Variants in PRR11 observed in about 807,000 individuals in gnomAD.
PRR11 encodes the protein proline rich 11, also known as proline-rich protein 11.
In PRR11, 30 loss-of-function variants were observed where a neutral mutation model predicts 45.6. That is an observed-to-expected ratio of 0.66 (90% confidence interval 0.49 to 0.89). The LOEUF is 0.89. Among genes scored for constraint, PRR11 ranks in the 40% least tolerant of loss-of-function variants. The pLI is 0.00. For missense variants in PRR11, 373 were observed against 424.8 expected (o/e 0.88, Z 1.07); for synonymous variants, 128 against 153.5 (o/e 0.83, Z 1.23).
chr17:59,182,356 TC>T (rs1265911061), intron 2 of PRR11, among the ~76,000 whole-genome samples: 1 of 143,398 alleles, frequency 7.0e-6, no homozygotes, highest in East Asian at 2.2e-4. Flanking sequence ...CCATACACCC[TC>T]CTCAGGTTCT....
At chr17:59,158,288 G>C (rs1423015689) in intron 1 of PRR11, among the ~76,000 whole-genome samples, 1 of 152,124 alleles carries the variant, frequency 6.6e-6, no homozygotes, top group African/African-American at 2.4e-5. Flanking sequence ...TGAATTAAAG[G>C]GTACTAAAGA....
intron 2 of PRR11, among the ~76,000 whole-genome samples, chr17:59,178,231 G>A (rs1054542343): frequency 6.6e-6 from 1 of 152,204 alleles, no homozygotes; most frequent in Non-Finnish European, 1.5e-5. Flanking sequence ...CTGCTTGGGA[G>A]GCTGAGGCAG....
chr17:59,176,684 C>CTTTTTTTTTTTTTTTTT (rs71367676), intron 2 of PRR11, among the ~76,000 whole-genome samples: 1 of 39,002 alleles, frequency 2.6e-5, no homozygotes, highest in African/African-American at 1.2e-4. Flanking sequence ...GTTTTTTTGG[C>CTTTTTTTTTTTTTTTTT]TTTTTTTTTT....
chr17:59,196,933 T>G (rs1426767015), intron 7 of PRR11, among the ~76,000 whole-genome samples: 2 of 152,014 alleles, frequency 1.3e-5, no homozygotes. Context: ...CACTACAACC[T>G]CCGCCTCCCA....
At chr17:59,173,698 TTGAAGTCGG>T (rs1308536054) in intron 2 of PRR11, among the ~76,000 whole-genome samples, 1 of 152,196 alleles carries the variant, frequency 6.6e-6, no homozygotes, top group African/African-American at 2.4e-5. Flanking sequence ...AGCTTCATTT[TTGAAGTCGG>T]TGAAACCAAG....
At chr17:59,198,187 G>A (rs774842291) in intron 9 of PRR11, among the ~76,000 whole-genome samples, 9 of 152,170 alleles carry the variant, frequency 5.9e-5, no homozygotes, top group Non-Finnish European at 8.8e-5. Context: ...TTTTTAAATG[G>A]TACCGTATTT....
At chr17:59,174,862 A>T (rs2046734316) in intron 2 of PRR11, 1 of 1,237,164 alleles carries the variant, frequency 8.1e-7, no homozygotes, top group African/African-American at 1.5e-5. Flanking sequence ...CCCCTTAAGA[A>T]GATGGGGACT....
At chr17:59,190,077 T>G (rs1312195048) in intron 4 of PRR11, among the ~76,000 whole-genome samples, 1 of 152,204 alleles carries the variant, frequency 6.6e-6, no homozygotes. Context: ...TCACCTCTAG[T>G]GTACACACTC....
intron 4 of PRR11, among the ~76,000 whole-genome samples, chr17:59,188,665 G>A (rs1451726675): frequency 3.9e-5 from 6 of 152,012 alleles, no homozygotes; most frequent in African/African-American, 7.2e-5. Flanking sequence ...ATGGCCAGGC[G>A]TGGTGGCTCA....
At chr17:59,182,853 G>A (rs1472218797) in intron 2 of PRR11, among the ~76,000 whole-genome samples, 1 of 152,144 alleles carries the variant, frequency 6.6e-6, no homozygotes, top group African/African-American at 2.4e-5. Context: ...TTGATGGCTG[G>A]TCATGATCTT....
chr17:59,189,685 A>T (rs1317465651), intron 4 of PRR11, among the ~76,000 whole-genome samples: 3 of 152,178 alleles, frequency 2.0e-5, no homozygotes, highest in Non-Finnish European at 4.4e-5. Context: ...TAGCAAAAAA[A>T]TTAAATTAAA....
intron 9 of PRR11, among the ~76,000 whole-genome samples, chr17:59,200,691 A>G (rs1375125975): frequency 1.3e-5 from 2 of 151,898 alleles, no homozygotes; most frequent in African/African-American, 4.8e-5. Flanking sequence ...ACAGGGTTTC[A>G]CCGTGTTAGC....
At chr17:59,190,517 T>G (rs2046836042) in intron 4 of PRR11, among the ~76,000 whole-genome samples, 1 of 151,764 alleles carries the variant, frequency 6.6e-6, no homozygotes, top group Non-Finnish European at 1.5e-5. Flanking sequence ...GAATGAAGCT[T>G]ATGTTATTTC....
At chr17:59,167,363 T>C (rs2046685116) in intron 1 of PRR11, among the ~76,000 whole-genome samples, 1 of 152,186 alleles carries the variant, frequency 6.6e-6, no homozygotes, top group Non-Finnish European at 1.5e-5. Context: ...TATTGTTAAC[T>C]ATAGTCATCC....
chr17:59,177,034 T>C lies in PRR11; in HGVS notation c.128+7154T>C, dbSNP rs541729326. On this transcript the variant is annotated intron_variant, in intron 2 of 9. Transcript: ENST00000262293. ...TAGAAACAGCAGTCTAAAAACAAGA[T>C]AGTATAATCCTCTTTTTTGTACACA... 1.2e-4 allele frequency: 50 copies of C among 421,710 alleles called. No individual in the cohort carries two copies. The East Asian group carries it at 2.5e-3, about 21-fold the overall frequency. The allele number at this position is 421,710 out of a possible 1,614,324, so 26.1% of individuals were successfully genotyped here.
At position 59,179,664 on chromosome 17, in the gene PRR11, A is replaced by C. The variant is rs1428582451; in HGVS notation, c.129-5390A>C. On this transcript the variant is annotated intron_variant, in intron 2 of 9. Transcript: ENST00000262293. ...GTCCTCCTACCAAGCAGCCTGTTGAAAGTCTCGTGGTGCTCAGGGAGCACG... is the reference window on the plus strand; with the variant it reads ...GTCCTCCTACCAAGCAGCCTGTTGACAGTCTCGTGGTGCTCAGGGAGCACG... 4.7e-6 allele frequency: 7 copies of C among 1,489,942 alleles called. No homozygotes were observed. The Admixed American group carries it at 1.2e-4, about 26-fold the overall frequency. 92.3% of individuals were successfully genotyped at this position (1,489,942 alleles called of 1,614,324 possible).
At chr17:59,187,234 A>C (rs1476957996) in intron 4 of PRR11, among the ~76,000 whole-genome samples, 2 of 152,098 alleles carry the variant, frequency 1.3e-5, no homozygotes, top group Middle Eastern at 3.4e-3. Context: ...AAAATAAAAT[A>C]AAATAAAATA....
chr17:59,186,352 T>G (rs1017883850), intron 4 of PRR11, among the ~76,000 whole-genome samples: 22 of 148,206 alleles, frequency 1.5e-4, no homozygotes, highest in African/African-American at 5.3e-4. Context: ...AAGCAGAAGA[T>G]CTGAAAAAAA....
At chr17:59,192,577 C>T (rs1301229339) in intron 4 of PRR11, among the ~76,000 whole-genome samples, 1 of 152,144 alleles carries the variant, frequency 6.6e-6, no homozygotes, top group African/African-American at 2.4e-5. Context: ...CTGAGGCTCC[C>T]TCCTGGGCTT....
Sources: allele counts gnomAD v4.1 joint callset (sites outside exome capture counted in the v4.1 genomes callset), GRCh38; gene constraint gnomAD v4.1.1; transcripts MANE v1.5; gene names NCBI Gene and HGNC (gene_info 2026-07-23, HGNC 2026-07-21).